CHN1: variants seen among roughly 807,000 people sequenced by gnomAD.
CHN1 encodes the protein chimerin 1.
CHN1 carries 37 observed loss-of-function variants against 59.5 expected under a neutral mutation model. The ratio of observed to expected loss-of-function variants is 0.62; its 90% confidence interval spans 0.48 to 0.82. The LOEUF is 0.82. Ranked by LOEUF, CHN1 falls within the 40% of genes least tolerant of loss-of-function variation. The probability of loss-of-function intolerance (pLI) is 0.00; values close to 1 mark genes in which losing one functional copy is unlikely to be tolerated. For synonymous variants in CHN1, 206 were observed against 200.4 expected, an observed-to-expected ratio of 1.03 and a Z score of -0.24; for missense variants, 469 against 571.0, an observed-to-expected ratio of 0.82 and a Z score of 1.82.
chr2:174,857,390 A>T lies in CHN1; in HGVS notation c.550-10433T>A, dbSNP rs41450446. 9.9e-3 allele frequency among the ~76,000 whole-genome samples: 1,511 copies of T among 152,150 alleles called. 32 individuals are homozygous for T. Among genetic ancestry groups the T allele is most frequent in the African/African-American group, 0.035 (1,446 of 41,496 alleles). On this transcript the variant is annotated intron_variant, in intron 6 of 12. Transcript: ENST00000409900. ...TTGCTCAGATATCTTAGGTGATCTT[A>T]AAGTTAATTCATAAGATACAGTCTT...
At position 174,913,789 on chromosome 2, in the gene CHN1, A is replaced by G. The variant is rs3771914; in HGVS notation, c.260+1269T>C. Among the ~76,000 whole-genome samples the G allele has an allele frequency of 2.5e-4, 38 of 152,336 alleles. No individual in the cohort carries two copies. The East Asian group carries it at 5.2e-3, about 21-fold the overall frequency. ...GCAGGCCCTGCTCGCTCACACAGGT[A>G]TAAGTGATTGGAGAAGGAATTAGAC... is the stretch of plus-strand genomic sequence containing the variant. On this transcript the variant is annotated intron_variant, in intron 5 of 12. Transcript: ENST00000409900.
chr2:174,947,644 A>C (rs1193633), intron 2 of CHN1, among the ~76,000 whole-genome samples: 72,121 of 151,512 alleles, frequency 0.48, 17,938 homozygotes, highest in African/African-American at 0.6. Flanking sequence ...CCACCACGTC[A>C]AGCTAATTTT....
At chr2:174,844,986 T>C (rs1686457340) in intron 7 of CHN1, among the ~76,000 whole-genome samples, 1 of 152,182 alleles carries the variant, frequency 6.6e-6, no homozygotes. Flanking sequence ...CCCAAGTATC[T>C]TTAAAGCAGT....
intron 3 of CHN1, among the ~76,000 whole-genome samples, chr2:174,929,884 T>C (rs1689283563): frequency 6.6e-6 from 1 of 152,220 alleles, no homozygotes; most frequent in Non-Finnish European, 1.5e-5. Context: ...ATATTACAGA[T>C]TTTTACTCCA....
At chr2:174,927,234 T>C (rs1689196811) in intron 3 of CHN1, among the ~76,000 whole-genome samples, 1 of 152,180 alleles carries the variant, frequency 6.6e-6, no homozygotes, top group Admixed American at 6.5e-5. Context: ...TCTCAGATAC[T>C]TTTGGTTTAC....
chr2:174,921,093 TG>T, intron 3 of CHN1: 1 of 372,730 alleles, frequency 2.7e-6, no homozygotes, highest in South Asian at 2.0e-5. Flanking sequence ...GGGGAGCGGC[TG>T]TAGTTGAAGC....
At chr2:174,859,558 C>T (rs1687009650) in intron 6 of CHN1, among the ~76,000 whole-genome samples, 1 of 152,180 alleles carries the variant, frequency 6.6e-6, no homozygotes, top group Admixed American at 6.5e-5. Context: ...TTACACTGTC[C>T]CCAAATCAGT....
chr2:174,965,809 A>G (rs546525193), intron 1 of CHN1, among the ~76,000 whole-genome samples: 2 of 152,316 alleles, frequency 1.3e-5, no homozygotes, highest in Admixed American at 1.3e-4. Context: ...CAATATTTAG[A>G]CACACCAAAA....
rs536976768 is a variant in CHN1, at chr2:174,945,966, ATCTC to A, written c.59-1027_59-1024del. 3.8e-3 allele frequency among the ~76,000 whole-genome samples: 573 copies of A among 151,400 alleles called. 4 individuals carry two copies. Among genetic ancestry groups the A allele is most frequent in the African/African-American group, 0.013 (546 of 41,208 alleles). ...ATAAATGTGTGTGTATATATATACT[ATCTC>A]TCTCTACACACACACACAGTGAACA... On this transcript the variant is annotated intron_variant, in intron 2 of 12. Coordinates refer to ENST00000409900, the MANE Select transcript of CHN1 (RefSeq NM_001822.7).
At chr2:174,834,751 CTAAAA>C (rs1686013147) in intron 7 of CHN1, among the ~76,000 whole-genome samples, 1 of 152,112 alleles carries the variant, frequency 6.6e-6, no homozygotes, top group Admixed American at 6.5e-5. Flanking sequence ...TCTGTCCTAA[CTAAAA>C]TAATCCTCGA....
intron 6 of CHN1, among the ~76,000 whole-genome samples, chr2:174,870,305 C>T (rs755460969): frequency 1.3e-5 from 2 of 152,226 alleles, no homozygotes; most frequent in African/African-American, 2.4e-5. Flanking sequence ...ATAATGTCTA[C>T]GTTTAAGCAT....
At chr2:174,925,998 C>T (rs1689155581) in intron 3 of CHN1, among the ~76,000 whole-genome samples, 1 of 152,084 alleles carries the variant, frequency 6.6e-6, no homozygotes, top group South Asian at 2.1e-4. Flanking sequence ...GCATGGTTTG[C>T]ATAAATGTTA....
Position 174,799,413 on chromosome 2 carries a change from C to A in CHN1, c.*703G>T. On this transcript the variant is annotated 3_prime_UTR_variant, in exon 13 of 13. Transcript: ENST00000409900. Reference sequence around the variant, plus strand: ...ATCAATATTTTTTATTTCTAAAAGCCAATTTAATAAATTAATAAACGCATG... The same window carrying A: ...ATCAATATTTTTTATTTCTAAAAGCAAATTTAATAAATTAATAAACGCATG... The A allele has an allele frequency of 2.2e-6, 1 of 444,494 alleles. No homozygotes were observed. 27.5% of individuals were successfully genotyped at this position (444,494 alleles called of 1,614,324 possible). A position where few individuals can be genotyped will look rare whatever the true frequency, so the allele number is the denominator to read the frequency against.
chr2:174,861,354 T>C (rs550663986), intron 6 of CHN1, among the ~76,000 whole-genome samples: 3 of 152,322 alleles, frequency 2.0e-5, no homozygotes, highest in African/African-American at 7.2e-5. Flanking sequence ...ACTGTTATCA[T>C]CATTAGCATC....
chr2:174,961,547 C>T (rs560233066), intron 1 of CHN1, among the ~76,000 whole-genome samples: 8 of 151,450 alleles, frequency 5.3e-5, no homozygotes, highest in African/African-American at 1.7e-4. Context: ...GGTGAGATTG[C>T]GCCATTGCAC....
At chr2:174,860,820 C>G (rs150341826) in intron 6 of CHN1, among the ~76,000 whole-genome samples, 1 of 152,228 alleles carries the variant, frequency 6.6e-6, no homozygotes, top group East Asian at 1.9e-4. Context: ...CTTTCTGACA[C>G]TCTCACAGAT....
At chr2:174,984,659 G>A (rs539130208) in intron 1 of CHN1, among the ~76,000 whole-genome samples, 1 of 152,128 alleles carries the variant, frequency 6.6e-6, no homozygotes, top group African/African-American at 2.4e-5. Context: ...GAGCCACTGT[G>A]CCTGGCTGTG....
At chr2:174,824,302 T>A (rs1246263832) in intron 8 of CHN1, 132 bp downstream of exon 8, 1 of 517,644 alleles carries the variant, frequency 1.9e-6, no homozygotes, top group African/African-American at 1.9e-5. Context: ...CCTGAGAATC[T>A]GGCCTACTGC....
intron 6 of CHN1, among the ~76,000 whole-genome samples, chr2:174,847,921 C>T (rs1686590977): frequency 6.6e-6 from 1 of 151,770 alleles, no homozygotes; most frequent in African/African-American, 2.4e-5. Flanking sequence ...AAAAATAATG[C>T]AGCACCACTG....
Sources: allele counts gnomAD v4.1 joint callset (sites outside exome capture counted in the v4.1 genomes callset), GRCh38; gene constraint gnomAD v4.1.1; transcripts MANE v1.5; gene names NCBI Gene and HGNC (gene_info 2026-07-23, HGNC 2026-07-21).